FOSL1: variants seen among roughly 807,000 people sequenced by gnomAD.
The protein encoded by FOSL1 is fos-related antigen 1.
FOSL1 carries 14 observed loss-of-function variants against 24.9 expected under a neutral mutation model. That is an observed-to-expected ratio of 0.56 (90% CI 0.37 to 0.88). FOSL1 has a LOEUF of 0.88. Among genes scored for constraint, FOSL1 ranks in the 40% least tolerant of loss-of-function variants. The pLI, the probability that FOSL1 is intolerant of heterozygous loss-of-function variation, is 0.00. For synonymous variants in FOSL1, 133 were observed against 145.1 expected (o/e 0.92, Z 0.60); for missense variants, 318 against 359.8 (o/e 0.88, Z 0.94).
At chr11:65,895,913 T>G (rs1362558026) in intron 2 of FOSL1, among the ~76,000 whole-genome samples, 3 of 152,238 alleles carry the variant, frequency 2.0e-5, no homozygotes, top group Non-Finnish European at 4.4e-5. Context: ...CATCTCTTAC[T>G]CACTTATTTT....
At position 65,900,232 on chromosome 11, in the gene FOSL1, C is replaced by T. The variant is rs1860638474; in HGVS notation, c.99+9G>A. ...TCCCGTGGGACCACCGGCGTCGGGC[C>T]CCACTCACCTGCTGGGCTGCCTGCG... is the stretch of plus-strand genomic sequence containing the variant. On this transcript the variant is annotated intron_variant, in intron 1 of 3. Transcript: ENST00000312562. The T allele has an allele frequency of 9.0e-6, 11 of 1,222,656 alleles. No homozygotes were observed. The highest frequency in any genetic ancestry group is 4.2e-5 in the Admixed American group (1 of 23,604). 75.7% of individuals were successfully genotyped at this position (1,222,656 alleles called of 1,614,324 possible). A position where few individuals can be genotyped will look rare whatever the true frequency, so the allele number is the denominator to read the frequency against.
Position 65,892,584 on chromosome 11 carries a change from G to A in FOSL1, c.*302C>T, listed in dbSNP as rs1219229607. 5.1e-6 allele frequency: 3 copies of A among 591,138 alleles called. No individual in the cohort carries two copies. Among genetic ancestry groups the A allele is most frequent in the Admixed American group, 2.2e-5 (1 of 46,232 alleles). 36.6% of individuals were successfully genotyped at this position (591,138 alleles called of 1,614,324 possible). A position where few individuals can be genotyped will look rare whatever the true frequency, so the allele number is the denominator to read the frequency against. On this transcript the variant is annotated 3_prime_UTR_variant, in exon 4 of 4. Coordinates refer to ENST00000312562, the MANE Select transcript of FOSL1 (RefSeq NM_005438.5). ...TCTGGAAGGGGTTAGGGCTCCAGAGGACCTCTAAGGATCTACAAAGTCTCT... is the reference window on the plus strand; with the variant it reads ...TCTGGAAGGGGTTAGGGCTCCAGAGAACCTCTAAGGATCTACAAAGTCTCT...
intron 3 of FOSL1, 109 bp downstream of exon 3, chr11:65,893,905 C>A (rs1409120754): frequency 2.6e-6 from 2 of 757,296 alleles, no homozygotes; most frequent in Non-Finnish European, 4.6e-6. Flanking sequence ...AAGGACTGCC[C>A]CTCAGACAAG....
intron 1 of FOSL1, 63 bp downstream of exon 1, chr11:65,900,178 A>T: frequency 1.3e-6 from 1 of 792,054 alleles, no homozygotes; most frequent in Non-Finnish European, 1.7e-6. Flanking sequence ...AGCGTGCGGG[A>T]GTTGACCCCG....
chr11:65,899,149 G>A (rs1447379410), intron 1 of FOSL1, among the ~76,000 whole-genome samples: 1 of 152,188 alleles, frequency 6.6e-6, no homozygotes, highest in Non-Finnish European at 1.5e-5. Context: ...GTTGGGATGG[G>A]GCTCAGTGTT....
chr11:65,895,794 C>T (rs2134797797), intron 2 of FOSL1, among the ~76,000 whole-genome samples: 1 of 152,342 alleles, frequency 6.6e-6, no homozygotes, highest in East Asian at 1.9e-4. Flanking sequence ...CCTAACCTCT[C>T]TCCCCATCCT....
chr11:65,893,393 G>T (rs550744610), intron 3 of FOSL1, 97 bp from the exon 4 acceptor site: 15 of 856,782 alleles, frequency 1.8e-5, no homozygotes, highest in Non-Finnish European at 7.1e-6. Context: ...GGGGTTGGGC[G>T]GGGGGAGAGG....
rs749967518 is a variant in FOSL1 at position 65,896,855 on chromosome 11, C to T, written c.251G>A (p.Arg84Gln). ...SPPQPRPGVIRALGPPPGVRR... is the reference protein window; with the variant it reads ...SPPQPRPGVIQALGPPPGVRR... ...TACCCCTGGAGGCGGCCCCAGGGCC[C>T]GGATGACTCCTGGCCGGGGTTGTGG... Residue 84 changes from arginine (R) to glutamine (Q), a missense_variant, in exon 2 of 4, where the codon CGG becomes CAG. Transcript: ENST00000312562. 13 of 1,613,358 alleles carry T rather than the reference C, an allele frequency of 8.1e-6. No homozygotes were observed. Among genetic ancestry groups the T allele is most frequent in the Middle Eastern group, 1.6e-4 (1 of 6,066 alleles).
chr11:65,894,461 T>C (rs1437879654), intron 2 of FOSL1, among the ~76,000 whole-genome samples: 1 of 152,124 alleles, frequency 6.6e-6, no homozygotes, highest in African/African-American at 2.4e-5. Context: ...CCTTTCCTTC[T>C]CAGCACCCTC....
intron 1 of FOSL1, among the ~76,000 whole-genome samples, chr11:65,898,978 GAAAAGAA>G (rs1419983832): frequency 3.7e-5 from 1 of 26,720 alleles, no homozygotes; most frequent in Non-Finnish European, 3.0e-4. Flanking sequence ...AAAAAAAAAA[GAAAAGAA>G]AGAGAAGGAA....
chr11:65,896,869 C>A lies in FOSL1; in HGVS notation c.237G>T (p.Arg79=). 1 of 1,613,850 alleles carries A rather than the reference C, an allele frequency of 6.2e-7. No individual in the cohort carries two copies. The highest frequency in any genetic ancestry group is 1.7e-5 in the Admixed American group (1 of 59,994). ...GCCCCAGGGCCCGGATGACTCCTGG[C>A]CGGGGTTGTGGGGGGCTGTACTGAG... ...TYPQYSPPQP[R]PGVIRALGPP... Residue 79 remains arginine, a synonymous_variant, in exon 2 of 4, where the codon CGG becomes CGT. Coordinates refer to ENST00000312562, the MANE Select transcript of FOSL1 (RefSeq NM_005438.5).
intron 2 of FOSL1, among the ~76,000 whole-genome samples, chr11:65,896,452 G>A (rs1433205650): frequency 6.6e-6 from 1 of 152,058 alleles, no homozygotes; most frequent in Non-Finnish European, 1.5e-5. Flanking sequence ...TCAGCAGGTG[G>A]AGACCCCCTC....
intron 2 of FOSL1, among the ~76,000 whole-genome samples, chr11:65,895,514 A>G (rs58568715): frequency 0.13 from 19,621 of 152,232 alleles, 1,415 homozygotes; most frequent in Non-Finnish European, 0.16. Flanking sequence ...CTTAGAACCC[A>G]TAGAACTCAC....
intron 2 of FOSL1, among the ~76,000 whole-genome samples, chr11:65,895,404 G>T (rs1486408839): frequency 2.0e-5 from 3 of 152,158 alleles, no homozygotes; most frequent in Admixed American, 1.3e-4. Flanking sequence ...GATTACAGGC[G>T]TGAGCCACCA....
Position 65,900,221 on chromosome 11 carries a change from C to T in FOSL1, c.99+20G>A, listed in dbSNP as rs2134811181. On this transcript the variant is annotated intron_variant, in intron 1 of 3. Coordinates refer to ENST00000312562, the MANE Select transcript of FOSL1 (RefSeq NM_005438.5). ...ACGCGCGGTCCTCCCGTGGGACCAC[C>T]GGCGTCGGGCCCCACTCACCTGCTG... 6 of 1,183,684 alleles carry T rather than the reference C, an allele frequency of 5.1e-6. No homozygotes were observed. The highest frequency in any genetic ancestry group is 6.4e-6 in the Non-Finnish European group (6 of 942,606). 73.3% of individuals were successfully genotyped at this position (1,183,684 alleles called of 1,614,324 possible).
intron 2 of FOSL1, 63 bp from the exon 3 acceptor site, chr11:65,894,184 A>T (rs1860467773): frequency 4.8e-6 from 6 of 1,259,284 alleles, no homozygotes; most frequent in Non-Finnish European, 6.7e-6. Context: ...CTCGCCCCTC[A>T]TGGTGGCCCA....
chr11:65,892,309 A>T lies in FOSL1; in HGVS notation c.*577T>A, dbSNP rs916345121. The T allele has an allele frequency of 8.3e-6, 2 of 239,702 alleles. No individual in the cohort carries two copies. The highest frequency in any genetic ancestry group is 4.6e-5 in the African/African-American group (2 of 43,150). 14.8% of individuals were successfully genotyped at this position (239,702 alleles called of 1,614,324 possible). ...TAAATAGCAGCTGCCCTCGCTGTGG[A>T]GGCTTGGATTCCCTGGAGCTGAAGG... On this transcript the variant is annotated 3_prime_UTR_variant, in exon 4 of 4. Transcript: ENST00000312562.
intron 1 of FOSL1, among the ~76,000 whole-genome samples, chr11:65,898,979 A>AAG (rs1253124629): frequency 0.059 from 714 of 12,164 alleles, 10 homozygotes; most frequent in Admixed American, 0.18. Context: ...AAAAAAAAAG[A>AAG]AAAGAAAGAG....
intron 1 of FOSL1, among the ~76,000 whole-genome samples, chr11:65,898,625 G>C (rs1197289572): frequency 1.3e-5 from 2 of 152,160 alleles, no homozygotes; most frequent in African/African-American, 4.8e-5. Flanking sequence ...CTGATGTTAA[G>C]AAGTACCCTT....
Sources: allele counts gnomAD v4.1 joint callset (sites outside exome capture counted in the v4.1 genomes callset), GRCh38; gene constraint gnomAD v4.1.1; transcripts MANE v1.5; gene names NCBI Gene and HGNC (gene_info 2026-07-23, HGNC 2026-07-21).